SMIM7: variants seen among roughly 807,000 people sequenced by gnomAD.
SMIM7 encodes small integral membrane protein 7.
Under a neutral mutation model 13.3 loss-of-function variants are expected in SMIM7, and 12 were observed. The ratio of observed to expected loss-of-function variants is 0.90; its 90% CI spans 0.58 to 1.46. The LOEUF (loss-of-function observed/expected upper bound fraction) is 1.46. SMIM7 is among the 40% of genes most tolerant of loss of function. The pLI, the probability that SMIM7 is intolerant of heterozygous loss-of-function variation, is 0.00. For synonymous variants in SMIM7, 36 were observed against 35.8 expected, an observed-to-expected ratio of 1.01 and a Z score of -0.02; for missense variants, 114 against 94.8, an observed-to-expected ratio of 1.20 and a Z score of -0.84.
At chr19:16,633,403 C>T (rs1309921605) in intron 4 of SMIM7, among the ~76,000 whole-genome samples, 1 of 144,800 alleles carries the variant, frequency 6.9e-6, no homozygotes, top group Non-Finnish European at 1.5e-5. Context: ...TTGCAGTGAG[C>T]TGAGATGGTG....
chr19:16,642,220 T>C (rs1454583471), downstream of SMIM7, among the ~76,000 whole-genome samples: 1 of 152,208 alleles, frequency 6.6e-6, no homozygotes, highest in Non-Finnish European at 1.5e-5. Context: ...ACTGGTTAAA[T>C]TAATCATGGT....
At chr19:16,643,400 TA>T (rs550918859), downstream of SMIM7, among the ~76,000 whole-genome samples, 2 of 152,244 alleles carry the variant, frequency 1.3e-5, no homozygotes, top group African/African-American at 2.4e-5. Flanking sequence ...ATTAGTAGTT[TA>T]AAAAAAATTT....
chr19:16,657,700 C>T (rs2086613979), intron 3 of SMIM7, among the ~76,000 whole-genome samples: 1 of 152,184 alleles, frequency 6.6e-6, no homozygotes, highest in East Asian at 1.9e-4. Context: ...CACCCAAGGG[C>T]AGGCCCCCAA....
At chr19:16,650,992 A>G (rs1365095673) in intron 4 of SMIM7, among the ~76,000 whole-genome samples, 10 of 152,238 alleles carry the variant, frequency 6.6e-5, no homozygotes, top group Admixed American at 6.5e-4. Context: ...CCATGCAGAC[A>G]GAACCTTCTG....
At chr19:16,659,489 A>G (rs1410601982) in intron 2 of SMIM7, 42 bp from the exon 3 acceptor site, 3 of 1,587,922 alleles carry the variant, frequency 1.9e-6, no homozygotes. Flanking sequence ...AATGGGACAT[A>G]GAGTCCTCAG....
chr19:16,659,282 CAA>C (rs752864646), intron 3 of SMIM7, 111 bp downstream of exon 3: 53,273 of 512,278 alleles, frequency 0.1, no homozygotes, highest in East Asian at 0.12. Flanking sequence ...GACCTTGTGT[CAA>C]AAAAAAAAAA....
At chr19:16,630,812 TCAGA>T (rs2086316664) in exon 5 of SMIM7, 1 of 152,226 alleles carries the variant, frequency 6.6e-6, no homozygotes, top group Admixed American at 6.5e-5. Flanking sequence ...AAAGATTAAA[TCAGA>T]CAGCCTCTGA....
At chr19:16,639,795 C>A (rs975119437) in intron 4 of SMIM7, among the ~76,000 whole-genome samples, 1 of 152,188 alleles carries the variant, frequency 6.6e-6, no homozygotes, top group Non-Finnish European at 1.5e-5. Context: ...AGCTCTCATT[C>A]TTCTCCTACC....
chr19:16,632,391 G>A (rs1417420821), intron 4 of SMIM7, among the ~76,000 whole-genome samples: 1 of 152,032 alleles, frequency 6.6e-6, no homozygotes, highest in Non-Finnish European at 1.5e-5. Flanking sequence ...GTAGGGATGG[G>A]GATACAGAAA....
intron 2 of SMIM7, chr19:16,659,758 G>A (rs192887889): frequency 9.9e-6 from 7 of 705,064 alleles, no homozygotes; most frequent in Non-Finnish European, 1.7e-5. Flanking sequence ...GGACAACCAA[G>A]GAACGGAGAG....
chr19:16,633,431 A>G (rs367813515), intron 4 of SMIM7, among the ~76,000 whole-genome samples: 2 of 149,934 alleles, frequency 1.3e-5, no homozygotes, highest in East Asian at 3.9e-4. Flanking sequence ...ACTCCAGCCT[A>G]GACAACAGAG....
At chr19:16,642,616 G>A (rs952043604), downstream of SMIM7, among the ~76,000 whole-genome samples, 4 of 152,082 alleles carry the variant, frequency 2.6e-5, no homozygotes, top group Non-Finnish European at 5.9e-5. Context: ...CAAGGTGGGA[G>A]GTTCGTTGAG....
At position 16,649,298 on chromosome 19, in the gene SMIM7, C is replaced by G. The variant is rs533122904; in HGVS notation, c.213-2037G>C. Among the ~76,000 whole-genome samples, 5 of 152,258 alleles carry G rather than the reference C, an allele frequency of 3.3e-5. No homozygotes were observed. In the East Asian group the frequency reaches 9.7e-4, roughly 29 times the overall value. ...CCAACGTGGTAAAACCCTGTTTCAG[C>G]CAGGCGCAGTGGTTCACGCCTATAA... On this transcript the variant is annotated intron_variant, in intron 4 of 4. Transcript: ENST00000487416.
chr19:16,632,492 C>G (rs539165695), intron 4 of SMIM7, among the ~76,000 whole-genome samples: 1 of 150,926 alleles, frequency 6.6e-6, no homozygotes, highest in South Asian at 2.1e-4. Context: ...AAACACAACA[C>G]GGCTGGGACA....
chr19:16,642,289 G>C (rs1458381551), downstream of SMIM7, among the ~76,000 whole-genome samples: 1 of 152,230 alleles, frequency 6.6e-6, no homozygotes, highest in Admixed American at 6.5e-5. Context: ...TGAGCACGGT[G>C]GCTCATGCCT....
chr19:16,635,884 A>C (rs1311032599), intron 4 of SMIM7, among the ~76,000 whole-genome samples: 2 of 86,380 alleles, frequency 2.3e-5, no homozygotes, highest in African/African-American at 1.6e-4. Context: ...ACCCTGTCTC[A>C]AAAAAAAAAA....
At chr19:16,650,254 ATACC>A (rs2086506411) in intron 4 of SMIM7, among the ~76,000 whole-genome samples, 1 of 152,222 alleles carries the variant, frequency 6.6e-6, no homozygotes. Context: ...GCTGTACCAC[ATACC>A]TATCCATCTA....
At chr19:16,647,409 C>A in intron 4 of SMIM7, 148 bp from the exon 5 acceptor site, 1 of 870,614 alleles carries the variant, frequency 1.1e-6, no homozygotes, top group East Asian at 2.5e-5. Flanking sequence ...TGTGATCCAC[C>A]TGTGAATATA....
chr19:16,655,067 A>C (rs1288791214), intron 3 of SMIM7, among the ~76,000 whole-genome samples: 1 of 152,156 alleles, frequency 6.6e-6, no homozygotes, highest in Non-Finnish European at 1.5e-5. Flanking sequence ...TCCAACCCCA[A>C]CCCTAATCTT....
Sources: allele counts gnomAD v4.1 joint callset (sites outside exome capture counted in the v4.1 genomes callset), GRCh38; gene constraint gnomAD v4.1.1; transcripts MANE v1.5; gene names NCBI Gene and HGNC (gene_info 2026-07-23, HGNC 2026-07-21).